The following DNAI7 variants were observed in gnomAD, a reference collection of about 807,000 sequenced individuals.
DNAI7 encodes the protein cancer susceptibility 1.
In DNAI7, 78 loss-of-function variants were observed where a neutral mutation model predicts 86.6. The observed-to-expected ratio is 0.90, with a 90% CI of 0.75 to 1.09. DNAI7 has a LOEUF of 1.09. Among genes scored for constraint, DNAI7 ranks in the 50% least tolerant of loss-of-function variants. DNAI7 has a pLI of 0.00. For missense variants in DNAI7, 753 were observed against 810.2 expected (o/e 0.93, Z 0.86); for synonymous variants, 274 against 273.0 (o/e 1.00, Z -0.04).
chr12:25,164,643 G>T (rs951704293), intron 2 of DNAI7, among the ~76,000 whole-genome samples: 1 of 152,030 alleles, frequency 6.6e-6, no homozygotes, highest in Non-Finnish European at 1.5e-5. Flanking sequence ...GGTGCCTGAC[G>T]TCCAGGCATT....
At chr12:25,123,420 T>C (rs1215884013) in intron 9 of DNAI7, 134 bp from the exon 10 acceptor site, 2 of 327,542 alleles carry the variant, frequency 6.1e-6, no homozygotes, top group Non-Finnish European at 1.1e-5. Context: ...TGATACTTGC[T>C]CTACCATAAA....
chr12:25,182,563 C>T (rs1313909889), intron 2 of DNAI7, among the ~76,000 whole-genome samples: 4 of 147,922 alleles, frequency 2.7e-5, no homozygotes, highest in Non-Finnish European at 4.5e-5. Context: ...GAGCTGTGAT[C>T]GTGCCACAGC....
In DNAI7 at chr12:25,123,201, T is replaced by C. The variant is rs757457456; in HGVS notation, c.1078+10A>G. 1 of 1,538,196 alleles carries C rather than the reference T, an allele frequency of 6.5e-7. No homozygotes were observed. Among genetic ancestry groups the C allele is most frequent in the South Asian group, 1.2e-5 (1 of 85,492 alleles). On this transcript the variant is annotated intron_variant, in intron 10 of 15. Transcript: ENST00000395987. ...ATAAAGTTAAATTCTTAAAATGTAA[T>C]TTAGAATACCTGCTGAAACAGTTTC...
intron 4 of DNAI7, among the ~76,000 whole-genome samples, chr12:25,156,110 CAA>C (rs71065914): frequency 4.1e-4 from 59 of 145,478 alleles, no homozygotes; most frequent in East Asian, 7.9e-4. Flanking sequence ...AATCACGTTA[CAA>C]AAAAAAAAAA....
chr12:25,149,764 T>A lies in DNAI7; in HGVS notation c.449A>T (p.Lys150Ile). ...KSKVVLNLIE[K>I]LKFILLETPP... ...AGTTTCCAGTAAAATAAATTTCAAT[T>A]TCTCAATTAACTGTAAAGTAAAAGA... Residue 150 changes from lysine (K) to isoleucine (I), a missense_variant, in exon 7 of 16, where the codon AAA (lysine) becomes ATA (isoleucine). Lys to Ile is a moderately radical substitution (Grantham distance 102). Coordinates refer to ENST00000395987, the MANE Select transcript of DNAI7 (RefSeq NM_018272.5). 6.6e-7 allele frequency: 1 copy of A among 1,504,854 alleles called. No individual in the cohort carries two copies. Among genetic ancestry groups the A allele is most frequent in the Non-Finnish European group, 9.2e-7 (1 of 1,086,872 alleles). 93.2% of individuals were successfully genotyped at this position (1,504,854 alleles called of 1,614,324 possible).
chr12:25,142,241 C>G (rs1944281111), intron 9 of DNAI7, among the ~76,000 whole-genome samples: 1 of 151,948 alleles, frequency 6.6e-6, no homozygotes, highest in South Asian at 2.1e-4. Flanking sequence ...TGAAGTAACC[C>G]AGGAATAGAA....
chr12:25,155,201 G>A, intron 5 of DNAI7, 110 bp downstream of exon 5: 1 of 544,100 alleles, frequency 1.8e-6, no homozygotes, highest in South Asian at 2.9e-5. Flanking sequence ...TCAGATGAGA[G>A]GGTTTTTTAA....
At chr12:25,165,389 A>C (rs1399812323) in intron 2 of DNAI7, among the ~76,000 whole-genome samples, 6 of 152,280 alleles carry the variant, frequency 3.9e-5, no homozygotes, top group African/African-American at 1.2e-4. Context: ...TGCTGGGGTT[A>C]CTCTAGAACC....
intron 2 of DNAI7, among the ~76,000 whole-genome samples, chr12:25,176,903 T>C (rs1010279128): frequency 6.3e-5 from 9 of 143,720 alleles, no homozygotes; most frequent in African/African-American, 2.3e-4. Flanking sequence ...ACCATTTTCT[T>C]TTTTTTTTTT....
chr12:25,159,866 C>T (rs1379697112), intron 3 of DNAI7, among the ~76,000 whole-genome samples: 2 of 152,218 alleles, frequency 1.3e-5, no homozygotes, highest in South Asian at 2.1e-4. Context: ...AAACCTCTAT[C>T]TAAATACTCA....
intron 9 of DNAI7, among the ~76,000 whole-genome samples, chr12:25,138,882 CA>C (rs35705308): frequency 1.8e-3 from 253 of 141,732 alleles, no homozygotes; most frequent in African/African-American, 4.5e-3. Context: ...GAAATTGAAA[CA>C]AAAAAAAAAA....
chr12:25,139,914 G>C lies in DNAI7; in HGVS notation c.1002+4451C>G, dbSNP rs1330745252. 7.2e-5 allele frequency among the ~76,000 whole-genome samples: 11 copies of C among 152,120 alleles called. 1 individual carries two copies. Among genetic ancestry groups the C allele is most frequent in the Admixed American group, 7.2e-4 (11 of 15,274 alleles). ...AAGTGGGTTTCATACCATGGATGCA[G>C]GAATGGTTTAACATGTGGAAGTCAA... is the stretch of plus-strand genomic sequence containing the variant. On this transcript the variant is annotated intron_variant, in intron 9 of 15. Coordinates refer to ENST00000395987, the MANE Select transcript of DNAI7 (RefSeq NM_018272.5).
At chr12:25,158,850 C>G (rs546484901) in intron 3 of DNAI7, 1 of 361,998 alleles carries the variant, frequency 2.8e-6, no homozygotes, top group African/African-American at 2.1e-5. Flanking sequence ...ATGTTCATCA[C>G]CACTGGTCAT....
downstream of DNAI7, chr12:25,107,188 T>C: frequency 4.6e-6 from 2 of 437,994 alleles, no homozygotes; most frequent in Admixed American, 8.4e-5. Context: ...AAACTTTGTA[T>C]GTCAGGTTAT....
In DNAI7 at chr12:25,121,801, C is replaced by T; in HGVS notation, c.1191G>A (p.Leu397=). Residue 397 remains leucine (L), a synonymous_variant, in exon 11 of 16, where the codon TTG becomes TTA. Coordinates refer to ENST00000395987, the MANE Select transcript of DNAI7 (RefSeq NM_018272.5). ...TLGGVYHLDI[L]ELPPQCKPVK... ...CTGGTTTACACTGTGGAGGAAGCTC[C>T]AAAATATCCAAGTGGTATACTCCAC... 1 of 1,607,684 alleles carries T rather than the reference C, an allele frequency of 6.2e-7. No homozygotes were observed. Among genetic ancestry groups the T allele is most frequent in the Admixed American group, 1.7e-5 (1 of 58,042 alleles).
chr12:25,147,476 A>ACCCCCCC (rs139493103), intron 7 of DNAI7, among the ~76,000 whole-genome samples: 1 of 148,004 alleles, frequency 6.8e-6, no homozygotes, highest in African/African-American at 2.4e-5. Flanking sequence ...ACATAATGAG[A>ACCCCCCC]CCACCCCCAT....
chr12:25,186,126 T>C (rs1950013990), intron 2 of DNAI7, among the ~76,000 whole-genome samples: 1 of 152,240 alleles, frequency 6.6e-6, no homozygotes, highest in South Asian at 2.1e-4. Flanking sequence ...TCATGTATTC[T>C]GTGAAGTACA....
At chr12:25,127,839 G>C (rs952790414) in intron 9 of DNAI7, among the ~76,000 whole-genome samples, 1 of 152,106 alleles carries the variant, frequency 6.6e-6, no homozygotes, top group Non-Finnish European at 1.5e-5. Flanking sequence ...TCCAGAAATA[G>C]AGAATAGGAT....
chr12:25,120,316 G>C (rs74073311), intron 11 of DNAI7, among the ~76,000 whole-genome samples: 27 of 127,084 alleles, frequency 2.1e-4, no homozygotes, highest in African/African-American at 7.9e-4. Context: ...GGCAGGAAGA[G>C]GGAGAGAGAG....
Sources: allele counts gnomAD v4.1 joint callset (sites outside exome capture counted in the v4.1 genomes callset), GRCh38; gene constraint gnomAD v4.1.1; transcripts MANE v1.5; gene names NCBI Gene and HGNC (gene_info 2026-07-23, HGNC 2026-07-21).